CEP295: variants seen among roughly 807,000 people sequenced by gnomAD.
CEP295 encodes centrosomal protein 295, also known as centrosomal protein of 295 kDa.
In CEP295, 190 loss-of-function variants were observed where a neutral mutation model predicts 291.6. The ratio of observed to expected loss-of-function variants is 0.65; its 90% confidence interval spans 0.58 to 0.73. CEP295 has a LOEUF of 0.73. Ranked by LOEUF, CEP295 falls within the 30% of genes least tolerant of loss-of-function variation. The pLI, the probability that CEP295 is intolerant of heterozygous loss-of-function variation, is 0.00. For missense variants in CEP295, 2,863 were observed against 2,949.4 expected (o/e 0.97, Z 0.68); for synonymous variants, 993 against 1,038.8 (o/e 0.96, Z 0.85).
Position 93,669,696 on chromosome 11 carries a change from G to A in CEP295, c.454G>A (p.Glu152Lys). The A allele has an allele frequency of 6.5e-7, 1 of 1,550,282 alleles. No individual in the cohort carries two copies. The highest frequency in any genetic ancestry group is 8.7e-7 in the Non-Finnish European group (1 of 1,145,934). The change falls in exon 5 of 30, where the codon GAA (glutamate) becomes AAA (lysine). Residue 152 changes from glutamate to lysine, a missense_variant. This residue lies in a region of CEP295 where 554 missense variants were observed against 576.0 expected (regional missense o/e 0.96). Transcript: ENST00000325212. ...CTTAAGGCATATAAAAGCTCGAAAG[G>A]AAGCACTGCTTGTGGAAAAAGAGAG... ...QKTWHIKARKEALLVEKERSA... is the reference protein window; with the variant it reads ...QKTWHIKARKKALLVEKERSA...
intron 6 of CEP295, among the ~76,000 whole-genome samples, chr11:93,678,912 A>T (rs969476302): frequency 3.9e-5 from 6 of 152,116 alleles, no homozygotes; most frequent in Non-Finnish European, 7.3e-5. Flanking sequence ...GCTGGAGTGC[A>T]GTGGCACAGT....
At chr11:93,687,084 T>G (rs1220981003) in intron 9 of CEP295, among the ~76,000 whole-genome samples, 2 of 152,184 alleles carry the variant, frequency 1.3e-5, no homozygotes, top group African/African-American at 2.4e-5. Flanking sequence ...CTTGTGTTGT[T>G]TTTTTGTTTT....
At chr11:93,706,965 G>A (rs1216925559) in intron 18 of CEP295, 68 bp downstream of exon 18, 12 of 1,325,876 alleles carry the variant, frequency 9.1e-6, no homozygotes, top group African/African-American at 3.0e-5. Flanking sequence ...TTATTATTTT[G>A]TTATTTGTAA....
At chr11:93,689,179 T>C (rs1007675659) in intron 10 of CEP295, among the ~76,000 whole-genome samples, 1 of 152,222 alleles carries the variant, frequency 6.6e-6, no homozygotes, top group African/African-American at 2.4e-5. Context: ...TTATTGTCTA[T>C]TAACATAGTG....
At chr11:93,715,252 C>A (rs1196632979) in intron 18 of CEP295, among the ~76,000 whole-genome samples, 1 of 152,146 alleles carries the variant, frequency 6.6e-6, no homozygotes, top group Non-Finnish European at 1.5e-5. Flanking sequence ...GACTCTCTCC[C>A]CTTGTCCACC....
intron 22 of CEP295, among the ~76,000 whole-genome samples, chr11:93,724,964 G>T (rs763718424): frequency 6.6e-6 from 1 of 151,990 alleles, no homozygotes; most frequent in Non-Finnish European, 1.5e-5. Context: ...TTTGAAAACA[G>T]CTGCATTGGG....
At position 93,699,820 on chromosome 11, in the gene CEP295, A is replaced by T; in HGVS notation, c.4908A>T (p.Glu1636Asp). The change falls in exon 15 of 30, where the codon GAA (glutamate) becomes GAT (aspartate). Residue 1636 changes from glutamate (E) to aspartate (D), a missense_variant. Glu to Asp is a conservative substitution (Grantham distance 45). Coordinates refer to ENST00000325212, the MANE Select transcript of CEP295 (RefSeq NM_033395.2). ...AACAAAGAAAGTTGAACAAAAGTGA[A>T]TCTGCTGAGCATACTATCCCCTCTT... Reference protein sequence around the residue: ...LNKQRKLNKSESAEHTIPSLF... With the variant: ...LNKQRKLNKSDSAEHTIPSLF... 6.4e-7 allele frequency: 1 copy of T among 1,552,302 alleles called. No individual in the cohort carries two copies. The highest frequency in any genetic ancestry group is 8.7e-7 in the Non-Finnish European group (1 of 1,147,124).
At chr11:93,722,166 T>G in intron 20 of CEP295, 116 bp downstream of exon 20, 1 of 673,200 alleles carries the variant, frequency 1.5e-6, no homozygotes, top group Non-Finnish European at 2.6e-6. Context: ...ACTATTTCTC[T>G]AAATCTCACA....
At chr11:93,707,679 G>A (rs1237835769) in intron 18 of CEP295, among the ~76,000 whole-genome samples, 1 of 151,868 alleles carries the variant, frequency 6.6e-6, no homozygotes, top group Non-Finnish European at 1.5e-5. Flanking sequence ...AACCTGGGAG[G>A]TAGAGCTTGC....
chr11:93,667,573 C>T, intron 2 of CEP295, 34 bp from the exon 3 acceptor site: 1 of 1,457,474 alleles, frequency 6.9e-7, no homozygotes, highest in Non-Finnish European at 9.1e-7. Context: ...AGTAAACCTC[C>T]TTTCATATAA....
chr11:93,711,133 TTCCACCAACCTTAGG>T (rs1228850107), intron 18 of CEP295, among the ~76,000 whole-genome samples: 2 of 152,154 alleles, frequency 1.3e-5, no homozygotes, highest in African/African-American at 2.4e-5. Flanking sequence ...ATTTCTTTTC[TTCCACCAACCTTAGG>T]TTTGATTTGC....
At position 93,706,813 on chromosome 11, in the gene CEP295, G is replaced by T. The variant is rs1306463613; in HGVS notation, c.5665G>T (p.Gly1889Trp). 6.4e-7 allele frequency: 1 copy of T among 1,550,424 alleles called. No homozygotes were observed. The highest frequency in any genetic ancestry group is 1.4e-5 in the African/African-American group (1 of 73,000). Residue 1889 changes from glycine to tryptophan, a missense_variant, in exon 18 of 30, where the codon GGG becomes TGG. Transcript: ENST00000325212. ...VSISREQSFF[G>W]SPLAHDPFSC... ...AATAAGCCGAGAACAAAGTTTCTTTGGGAGCCCACTGGCCCATGATCCGTT... is the reference window on the plus strand; with the variant it reads ...AATAAGCCGAGAACAAAGTTTCTTTTGGAGCCCACTGGCCCATGATCCGTT...
At chr11:93,688,126 G>A (rs966173007) in intron 10 of CEP295, among the ~76,000 whole-genome samples, 1 of 152,068 alleles carries the variant, frequency 6.6e-6, no homozygotes, top group African/African-American at 2.4e-5. Context: ...TGTTCAGGCT[G>A]TTTTCTAATT....
intron 6 of CEP295, among the ~76,000 whole-genome samples, chr11:93,677,108 A>C (rs1950732329): frequency 6.6e-6 from 1 of 152,036 alleles, no homozygotes; most frequent in Non-Finnish European, 1.5e-5. Flanking sequence ...CTGTCCTTAA[A>C]CTTTGGATTT....
chr11:93,699,817 T>G lies in CEP295; in HGVS notation c.4905T>G (p.Ser1635Arg). ...SLNKQRKLNK[S>R]ESAEHTIPSL... ...ACAAACAAAGAAAGTTGAACAAAAGTGAATCTGCTGAGCATACTATCCCCT... is the reference window on the plus strand; with the variant it reads ...ACAAACAAAGAAAGTTGAACAAAAGGGAATCTGCTGAGCATACTATCCCCT... Residue 1635 changes from serine to arginine, a missense_variant, in exon 15 of 30, where the codon AGT becomes AGG. Around this residue, in one of 3 missense-constraint regions of CEP295, gnomAD observed 2,295 missense variants for 2,335.7 expected, o/e 0.98. Transcript: ENST00000325212. 1.9e-6 allele frequency: 3 copies of G among 1,552,232 alleles called. No individual in the cohort carries two copies. The highest frequency in any genetic ancestry group is 2.6e-6 in the Non-Finnish European group (3 of 1,147,114).
Position 93,695,598 on chromosome 11 carries a change from G to A in CEP295, c.1635G>A (p.Leu545=), listed in dbSNP as rs373371592. Residue 545 remains leucine, a synonymous_variant, in exon 13 of 30, where the codon CTG becomes CTA. Transcript: ENST00000325212. ...AAACTGACTGCTTCAGGGCTCAGCTGGAAGAAGAAAAAAGAAAAAAAACTC... is the reference window on the plus strand; with the variant it reads ...AAACTGACTGCTTCAGGGCTCAGCTAGAAGAAGAAAAAAGAAAAAAAACTC... ...RLETDCFRAQ[L]EEEKRKKTQP... The A allele has an allele frequency of 6.7e-7, 1 of 1,497,840 alleles. No homozygotes were observed. Among genetic ancestry groups the A allele is most frequent in the South Asian group, 1.3e-5 (1 of 74,336 alleles). The allele number at this position is 1,497,840 out of a possible 1,614,324, so 92.8% of individuals were successfully genotyped here. A position where few individuals can be genotyped will look rare whatever the true frequency, so the allele number is the denominator to read the frequency against.
intron 22 of CEP295, among the ~76,000 whole-genome samples, chr11:93,725,003 C>T (rs1048076542): frequency 1.3e-5 from 2 of 151,840 alleles, no homozygotes; most frequent in Admixed American, 6.6e-5. Context: ...GCCTGTAATC[C>T]CAGCACTTTG....
chr11:93,696,624 C>T lies in CEP295; in HGVS notation c.1770-58C>T, dbSNP rs1951858251. Reference sequence around the variant, plus strand: ...CTGTTTGTTAAATTTAATGTATAGACATGGGGCTTTTTATTTTTCATTAAA... The same window carrying T: ...CTGTTTGTTAAATTTAATGTATAGATATGGGGCTTTTTATTTTTCATTAAA... On this transcript the variant is annotated intron_variant, in intron 14 of 29. Transcript: ENST00000325212. The T allele has an allele frequency of 4.2e-6, 6 of 1,417,142 alleles. No individual in the cohort carries two copies. The Admixed American group carries it at 8.0e-5, about 19-fold the overall frequency. The allele number at this position is 1,417,142 out of a possible 1,614,324, so 87.8% of individuals were successfully genotyped here. A position where few individuals can be genotyped will look rare whatever the true frequency, so the allele number is the denominator to read the frequency against.
At chr11:93,670,589 G>A (rs922964690) in intron 5 of CEP295, among the ~76,000 whole-genome samples, 4 of 152,080 alleles carry the variant, frequency 2.6e-5, no homozygotes, top group Admixed American at 2.6e-4. Flanking sequence ...ATAAGTACCA[G>A]ATACTCACTT....
Sources: gnomAD v4.1 joint callset for allele counts (sites outside exome capture counted in the v4.1 genomes callset) on GRCh38, gnomAD v4.1.1 for gene constraint, gnomAD v4.1.1 regional missense constraint, MANE v1.5 for transcripts, NCBI Gene and HGNC (gene_info 2026-07-23, HGNC 2026-07-21) for gene names.